Variants in RANBP1 observed in about 807,000 individuals in gnomAD.
The protein encoded by RANBP1 is RAN binding protein 1.
In RANBP1, 16 loss-of-function variants were observed where a neutral mutation model predicts 31.4. The observed-to-expected ratio is 0.51, with a 90% confidence interval of 0.34 to 0.77. RANBP1 has a LOEUF of 0.77. RANBP1 is among the 30% of genes least tolerant of loss of function. The pLI is 0.01. For missense variants in RANBP1, 265 were observed against 362.0 expected, an observed-to-expected ratio of 0.73 and a Z score of 2.17; for synonymous variants, 129 against 140.5, an observed-to-expected ratio of 0.92 and a Z score of 0.58.
rs771540893 is a variant in RANBP1, at chr22:20,119,010, C to A, written c.247-3C>A. 2.2e-5 allele frequency: 35 copies of A among 1,611,700 alleles called. No homozygotes were observed. Among genetic ancestry groups the A allele is most frequent in the Non-Finnish European group, 2.5e-5 (30 of 1,179,760 alleles). On this transcript the variant is annotated splice_polypyrimidine_tract_variant and splice_region_variant and intron_variant, in intron 1 of 5. Coordinates refer to ENST00000430524, the MANE Select transcript of RANBP1 (RefSeq NM_001278639.2). ...GCAGTGTAACCTCTTTGTATCTCCACAGGACACTCATGAGGACCATGATAC... is the reference window on the plus strand; with the variant it reads ...GCAGTGTAACCTCTTTGTATCTCCAAAGGACACTCATGAGGACCATGATAC...
chr22:20,126,394 G>C (rs573544018), intron 5 of RANBP1, 26 bp downstream of exon 5: 3 of 1,613,878 alleles, frequency 1.9e-6, no homozygotes, highest in Non-Finnish European at 1.7e-6. Flanking sequence ...GGGTTGGGGG[G>C]CTTCTTTGCA....
At chr22:20,117,722 C>A (rs1275654094) in intron 1 of RANBP1, 3 of 1,116,144 alleles carry the variant, frequency 2.7e-6, no homozygotes, top group Non-Finnish European at 2.2e-6. Context: ...CCGTTATCAG[C>A]GGCCACGTGG....
At chr22:20,118,234 G>C (rs2050090763) in intron 1 of RANBP1, 1 of 1,002,436 alleles carries the variant, frequency 1.0e-6, no homozygotes, top group Admixed American at 6.1e-5. Flanking sequence ...GTGAAGAGCA[G>C]CGAAAAGCTT....
At chr22:20,117,492 G>T (rs2050062402) in intron 1 of RANBP1, 2 of 1,254,212 alleles carry the variant, frequency 1.6e-6, no homozygotes, top group Non-Finnish European at 2.0e-6. Flanking sequence ...CGCCGCTGGG[G>T]TCAGGGGTCG....
chr22:20,116,868 C>T, intron 1 of RANBP1: 1 of 1,599,584 alleles, frequency 6.3e-7, no homozygotes, highest in Non-Finnish European at 8.5e-7. Context: ...TACCCAGCGT[C>T]TCCCCGCACT....
chr22:20,116,519 C>G, intron 1 of RANBP1, 89 bp downstream of exon 1: 1 of 1,611,072 alleles, frequency 6.2e-7, no homozygotes, highest in African/African-American at 1.3e-5. Context: ...TCCACCTCCT[C>G]CAGGGCTGCC....
At chr22:20,121,357 C>T (rs752049187) in intron 2 of RANBP1, among the ~76,000 whole-genome samples, 5 of 152,070 alleles carry the variant, frequency 3.3e-5, no homozygotes, top group African/African-American at 4.8e-5. Context: ...TCAAGGGATT[C>T]TCCTGCCTCA....
At chr22:20,117,192 C>A (rs561211958) in intron 1 of RANBP1, 11 of 544,650 alleles carry the variant, frequency 2.0e-5, no homozygotes, top group African/African-American at 8.1e-5. Flanking sequence ...ACTCTTAGTC[C>A]GCCAGCGCGT....
intron 3 of RANBP1, 50 bp downstream of exon 3, chr22:20,122,471 G>A (rs1419417889): frequency 1.2e-6 from 2 of 1,610,808 alleles, no homozygotes; most frequent in Admixed American, 3.3e-5. Context: ...CTTGGCCTGG[G>A]ACCTTTGGGA....
Position 20,127,117 on chromosome 22 carries a change from C to T in RANBP1, c.*65C>T, listed in dbSNP as rs189965701. On this transcript the variant is annotated 3_prime_UTR_variant, in exon 6 of 6. Coordinates refer to ENST00000430524, the MANE Select transcript of RANBP1 (RefSeq NM_001278639.2). Reference sequence around the variant, plus strand: ...TTTTTTTAAAAAATTTTACCCTGCCCCTCTTTTTCGGTTTGTTTTTATTCT... The same window carrying T: ...TTTTTTTAAAAAATTTTACCCTGCCTCTCTTTTTCGGTTTGTTTTTATTCT... 3,963 of 1,364,002 alleles carry T rather than the reference C, an allele frequency of 2.9e-3. 29 individuals carry two copies. Among genetic ancestry groups the T allele is most frequent in the Non-Finnish European group, 2.8e-3 (2,824 of 1,007,982 alleles). 84.5% of individuals were successfully genotyped at this position (1,364,002 alleles called of 1,614,324 possible). A position where few individuals can be genotyped will look rare whatever the true frequency, so the allele number is the denominator to read the frequency against.
intron 1 of RANBP1, chr22:20,117,992 T>C: frequency 2.0e-6 from 2 of 998,286 alleles, no homozygotes; most frequent in Non-Finnish European, 2.4e-6. Context: ...TTCCTCCGGC[T>C]CGGCCCACTT....
At chr22:20,118,295 G>A in intron 1 of RANBP1, 2 of 1,002,384 alleles carry the variant, frequency 2.0e-6, no homozygotes, top group Non-Finnish European at 2.4e-6. Context: ...GGTCTCTTAC[G>A]GACTTCTGGG....
chr22:20,119,144 T>A lies in RANBP1; in HGVS notation c.378T>A (p.Phe126Leu). 6.2e-7 allele frequency: 1 copy of A among 1,612,650 alleles called. No individual in the cohort carries two copies. The highest frequency in any genetic ancestry group is 8.5e-7 in the Non-Finnish European group (1 of 1,178,866). ...KTLEEDEEEL[F>L]KMRAKLFRFA... ...TGGAAGAAGATGAAGAGGAACTTTT[T>A]AAAATGTAAGTAGGCTGATGTCCCA... The change falls in exon 2 of 6, where the codon TTT (phenylalanine) becomes TTA (leucine). Residue 126 changes from phenylalanine to leucine, a missense_variant. Physicochemically the swap from Phe to Leu is conservative, Grantham distance 22 (BLOSUM62 0). This residue lies in a region of RANBP1 where 90 missense variants were observed against 190.5 expected (regional missense o/e 0.47). Transcript: ENST00000430524.
chr22:20,116,827 A>ACCC, intron 1 of RANBP1: 48 of 1,017,972 alleles, frequency 4.7e-5, no homozygotes, highest in Non-Finnish European at 6.0e-5. Context: ...TTCCTGACCC[A>ACCC]CCCCGCCTCC....
chr22:20,126,537 G>T (rs1292316756), intron 5 of RANBP1, 169 bp downstream of exon 5: 2 of 1,575,038 alleles, frequency 1.3e-6, no homozygotes, highest in East Asian at 2.3e-5. Flanking sequence ...GCTTCCTGGG[G>T]AGCCCTGAGC....
chr22:20,117,886 G>T, intron 1 of RANBP1: 1 of 1,019,822 alleles, frequency 9.8e-7, no homozygotes, highest in African/African-American at 1.7e-5. Context: ...AGGCCTGGGG[G>T]CTGCAGGGCC....
Position 20,127,098 on chromosome 22 carries a change from TAA to T in RANBP1, c.*51_*52del, listed in dbSNP as rs1015098169. On this transcript the variant is annotated 3_prime_UTR_variant, in exon 6 of 6. Coordinates refer to ENST00000430524, the MANE Select transcript of RANBP1 (RefSeq NM_001278639.2). ...TTTCCTCTCTTTCCTTTCCTTTTTT[TAA>T]AAAATTTTACCCTGCCCCTCTTTTT... is the stretch of plus-strand genomic sequence containing the variant. The T allele has an allele frequency of 4.6e-6, 7 of 1,514,198 alleles. No individual in the cohort carries two copies. The highest frequency in any genetic ancestry group is 6.2e-6 in the Non-Finnish European group (7 of 1,125,434). The allele number at this position is 1,514,198 out of a possible 1,614,324, so 93.8% of individuals were successfully genotyped here.
chr22:20,118,405 A>G (rs1171202440), intron 1 of RANBP1: 6 of 933,598 alleles, frequency 6.4e-6, no homozygotes, highest in Non-Finnish European at 6.5e-6. Flanking sequence ...TTTCACCGGT[A>G]CAATTTATCT....
At position 20,127,191 on chromosome 22, in the gene RANBP1, GTTGT is replaced by G. The variant is rs1229830453; in HGVS notation, c.*142_*145del. On this transcript the variant is annotated 3_prime_UTR_variant, in exon 6 of 6. Transcript: ENST00000430524. ...ATAAAGAACTGAACTCAACATTCAG[GTTGT>G]TTTTTTTTTTTGTTTCTAAGTTTTT... 104 of 602,362 alleles carry G rather than the reference GTTGT, an allele frequency of 1.7e-4. No individual in the cohort carries two copies. The South Asian group carries it at 3.0e-3, about 17-fold the overall frequency. 37.3% of individuals were successfully genotyped at this position (602,362 alleles called of 1,614,324 possible). A position where few individuals can be genotyped will look rare whatever the true frequency, so the allele number is the denominator to read the frequency against.
Sources: gnomAD v4.1 joint callset for allele counts (sites outside exome capture counted in the v4.1 genomes callset) on GRCh38, gnomAD v4.1.1 for gene constraint, gnomAD v4.1.1 regional missense constraint, MANE v1.5 for transcripts, NCBI Gene and HGNC (gene_info 2026-07-23, HGNC 2026-07-21) for gene names.